METTL15: variants seen among roughly 807,000 people sequenced by gnomAD.
METTL15 encodes the protein methyltransferase 15, mitochondrial 12S rRNA N4-cytidine.
In METTL15, 34 loss-of-function variants were observed where a neutral mutation model predicts 38.3. The ratio of observed to expected loss-of-function variants is 0.89; its 90% CI spans 0.68 to 1.18. METTL15 has a LOEUF of 1.18. Ranked by LOEUF, METTL15 falls within the 50% of genes most tolerant of loss-of-function variation. The pLI is 0.00. For synonymous variants in METTL15, 162 were observed against 170.9 expected (o/e 0.95, Z 0.41); for missense variants, 438 against 498.4 (o/e 0.88, Z 1.15).
At chr11:28,144,081 A>G (rs1167686287) in intron 3 of METTL15, among the ~76,000 whole-genome samples, 9 of 152,102 alleles carry the variant, frequency 5.9e-5, no homozygotes, top group Admixed American at 5.9e-4. Context: ...CTCTGGGAGG[A>G]TGAGAGACAA....
At chr11:28,191,119 ATGG>A (rs1851684395) in intron 3 of METTL15, among the ~76,000 whole-genome samples, 2 of 151,446 alleles carry the variant, frequency 1.3e-5, no homozygotes, top group Non-Finnish European at 3.0e-5. Context: ...GTTTTTTAGA[ATGG>A]AACTGGCATG....
chr11:28,288,169 T>C (rs1856362460), intron 4 of METTL15, among the ~76,000 whole-genome samples: 1 of 152,098 alleles, frequency 6.6e-6, no homozygotes, highest in South Asian at 2.1e-4. Context: ...GAATAATAGA[T>C]GCTGGCGAGG....
At chr11:28,460,717 A>G (rs1851206969) in intron 6 of METTL15, among the ~76,000 whole-genome samples, 1 of 152,060 alleles carries the variant, frequency 6.6e-6, no homozygotes, top group Admixed American at 6.6e-5. Flanking sequence ...TGTGTTTACA[A>G]CACTGTGGGG....
Position 28,421,428 on chromosome 11 carries a change from A to G in METTL15, c.*359-2871A>G, listed in dbSNP as rs184117795. The stretch of plus-strand genomic sequence containing the variant: ...CAAAAAAAGAAAACTATAGTTCAAT[A>G]TCTCTGATGCATATTAATACAAAAA... On this transcript the variant is annotated intron_variant and NMD_transcript_variant, in intron 5 of 7. Coordinates refer to the METTL15 transcript ENST00000532947. Among the ~76,000 whole-genome samples the G allele has an allele frequency of 1.6e-4, 25 of 152,220 alleles. No individual in the cohort carries two copies. The East Asian group carries it at 3.5e-3, about 21-fold the overall frequency.
At chr11:28,300,714 C>T (rs755528536) in intron 6 of METTL15, among the ~76,000 whole-genome samples, 2 of 152,076 alleles carry the variant, frequency 1.3e-5, no homozygotes, top group East Asian at 3.9e-4. Context: ...AACTACTGGC[C>T]GTGAATCTTA....
At chr11:28,527,718 C>T (rs1316799004), downstream of METTL15, among the ~76,000 whole-genome samples, 1 of 152,096 alleles carries the variant, frequency 6.6e-6, no homozygotes, top group African/African-American at 2.4e-5. Context: ...GATAATTGAA[C>T]GAAGATCTGA....
intron 3 of METTL15, among the ~76,000 whole-genome samples, chr11:28,147,779 A>T (rs1236236867): frequency 6.6e-6 from 1 of 151,872 alleles, no homozygotes; most frequent in Non-Finnish European, 1.5e-5. Flanking sequence ...AATTCTAGCA[A>T]AAAAACAACA....
At chr11:28,297,032 A>C in intron 6 of METTL15, 101 bp downstream of exon 6, 1 of 1,193,716 alleles carries the variant, frequency 8.4e-7, no homozygotes, top group South Asian at 1.4e-5. Flanking sequence ...TGTGTGCATT[A>C]ATCCCCCAGA....
At chr11:28,288,314 T>A (rs1430899362) in intron 4 of METTL15, among the ~76,000 whole-genome samples, 1 of 152,126 alleles carries the variant, frequency 6.6e-6, no homozygotes, top group African/African-American at 2.4e-5. Context: ...CACCACTGGG[T>A]ATATACCCAA....
chr11:28,123,865 A>C, intron 3 of METTL15: 2 of 1,477,886 alleles, frequency 1.4e-6, no homozygotes, highest in East Asian at 5.0e-5. Flanking sequence ...TGGCAAGCAA[A>C]AGAAGTAAAC....
At chr11:28,336,991 A>G (rs1314714318), downstream of METTL15, among the ~76,000 whole-genome samples, 1 of 152,164 alleles carries the variant, frequency 6.6e-6, no homozygotes, top group East Asian at 1.9e-4. Context: ...GCAGAGGTAG[A>G]AGATAGTAAT....
At chr11:28,112,257 C>G (rs1265931951) in intron 2 of METTL15, among the ~76,000 whole-genome samples, 2 of 152,108 alleles carry the variant, frequency 1.3e-5, no homozygotes, top group Admixed American at 6.5e-5. Flanking sequence ...GGATTGATAA[C>G]AATGCTAATT....
intron 3 of METTL15, among the ~76,000 whole-genome samples, chr11:28,192,639 T>C (rs990664948): frequency 5.9e-5 from 9 of 152,106 alleles, no homozygotes; most frequent in African/African-American, 1.9e-4. Flanking sequence ...TAGAATTCAC[T>C]GTTGAAGCTA....
intron 6 of METTL15, among the ~76,000 whole-genome samples, chr11:28,485,669 C>A (rs1851432317): frequency 6.6e-6 from 1 of 152,138 alleles, no homozygotes; most frequent in South Asian, 2.1e-4. Context: ...ATGTGATATG[C>A]ATTTCCTATA....
intron 3 of METTL15, among the ~76,000 whole-genome samples, chr11:28,209,158 A>T (rs954742000): frequency 6.6e-6 from 1 of 151,936 alleles, no homozygotes; most frequent in East Asian, 1.9e-4. Context: ...AATGATGATG[A>T]TTTTTCTTTA....
chr11:28,482,319 T>C (rs188584949), intron 6 of METTL15, among the ~76,000 whole-genome samples: 3 of 152,330 alleles, frequency 2.0e-5, no homozygotes, highest in African/African-American at 4.8e-5. Context: ...AACATTCATA[T>C]CATGTTTGGA....
intron 4 of METTL15, among the ~76,000 whole-genome samples, chr11:28,246,348 A>G (rs1590214041): frequency 6.6e-6 from 1 of 152,252 alleles, no homozygotes; most frequent in East Asian, 1.9e-4. Context: ...TTTAGTATGT[A>G]TTTCAAGTGA....
At chr11:28,261,700 C>T (rs1207676555) in intron 4 of METTL15, among the ~76,000 whole-genome samples, 1 of 152,032 alleles carries the variant, frequency 6.6e-6, no homozygotes, top group East Asian at 1.9e-4. Context: ...GTTCTTAATA[C>T]TTCTTTTACG....
chr11:28,369,110 A>C (rs1206826116), intron 5 of METTL15, among the ~76,000 whole-genome samples: 2 of 151,932 alleles, frequency 1.3e-5, no homozygotes, highest in African/African-American at 4.8e-5. Context: ...ATGTAGCAAA[A>C]CAGCACATTC....
Sources: gnomAD v4.1 joint callset for allele counts (sites outside exome capture counted in the v4.1 genomes callset) on GRCh38, gnomAD v4.1.1 for gene constraint, MANE v1.5 for transcripts, NCBI Gene and HGNC (gene_info 2026-07-23, HGNC 2026-07-21) for gene names.